HERC4: variants seen among roughly 807,000 people sequenced by gnomAD.
The protein encoded by HERC4 is probable E3 ubiquitin-protein ligase HERC4.
Under a neutral mutation model 124.3 loss-of-function variants are expected in HERC4, and 28 were observed. That is an observed-to-expected ratio of 0.23 (90% CI 0.17 to 0.31). The LOEUF (loss-of-function observed/expected upper bound fraction) is 0.31, where lower values mean the gene tolerates loss of function less well. Among genes scored for constraint, HERC4 ranks in the 10% least tolerant of loss-of-function variants. HERC4 has a pLI of 1.00. For missense variants in HERC4, 713 were observed against 1,229.3 expected, an observed-to-expected ratio of 0.58 and a Z score of 6.28; for synonymous variants, 407 against 421.5, an observed-to-expected ratio of 0.97 and a Z score of 0.42.
chr10:68,070,854 T>C (rs2133867992), intron 3 of HERC4, among the ~76,000 whole-genome samples: 1 of 152,300 alleles, frequency 6.6e-6, no homozygotes, highest in Admixed American at 6.5e-5. Flanking sequence ...GCTGTTTATG[T>C]GATCACCAAT....
At chr10:68,036,078 G>A (rs957200845) in intron 5 of HERC4, among the ~76,000 whole-genome samples, 16 of 152,208 alleles carry the variant, frequency 1.1e-4, no homozygotes, top group African/African-American at 3.6e-4. Context: ...ACTTTGGGAG[G>A]CTGAGGCGGG....
chr10:67,974,141 C>G (rs1276871077), intron 15 of HERC4, among the ~76,000 whole-genome samples: 3 of 132,686 alleles, frequency 2.3e-5, no homozygotes, highest in Non-Finnish European at 4.7e-5. Flanking sequence ...GTCAGGAAAA[C>G]AAGACAACCT....
rs532667254 is a variant in HERC4 at position 67,941,979 on chromosome 10, C to T, written c.2338-874G>A. Among the ~76,000 whole-genome samples the T allele has an allele frequency of 4.1e-4, 63 of 152,154 alleles. No homozygotes were observed. The South Asian group carries it at 0.012, about 30-fold the overall frequency. ...CCAAAACATGACTTTTTAATGGCTG[C>T]ATATTGTATCATAAAAGTACAATGA... On this transcript the variant is annotated intron_variant, in intron 19 of 24. Transcript: ENST00000373700.
chr10:67,922,903 A>G lies in HERC4; in HGVS notation c.*28T>C, dbSNP rs1211291344. The G allele has an allele frequency of 6.9e-7, 1 of 1,453,606 alleles. No homozygotes were observed. Among genetic ancestry groups the G allele is most frequent in the Non-Finnish European group, 9.5e-7 (1 of 1,053,068 alleles). 90.0% of individuals were successfully genotyped at this position (1,453,606 alleles called of 1,614,324 possible). On this transcript the variant is annotated 3_prime_UTR_variant, in exon 25 of 25. Coordinates refer to ENST00000373700, the MANE Select transcript of HERC4 (RefSeq NM_015601.4). ...AACACAAATAGTTTAATGCTTTTGC[A>G]CTAAACTGAATAGTTATAACTCCAA...
chr10:67,949,516 C>A (rs1218423535), intron 19 of HERC4, among the ~76,000 whole-genome samples: 3 of 152,120 alleles, frequency 2.0e-5, no homozygotes, highest in African/African-American at 7.2e-5. Context: ...AAAAATCCAA[C>A]CCTACAAACC....
Position 67,956,909 on chromosome 10 carries a change from A to G in HERC4, c.1994T>C (p.Leu665Pro). The G allele has an allele frequency of 6.2e-7, 1 of 1,602,654 alleles. No homozygotes were observed. The highest frequency in any genetic ancestry group is 8.5e-7 in the Non-Finnish European group (1 of 1,175,620). Residue 665 changes from leucine to proline, a missense_variant, in exon 17 of 25, where the codon CTG (leucine) becomes CCG (proline). Leu to Pro is a moderately conservative substitution (Grantham distance 98, BLOSUM62 -3). Coordinates refer to ENST00000373700, the MANE Select transcript of HERC4 (RefSeq NM_015601.4). ...FVFDAQAKTT[L>P]LQTDAVLQMQ... is the part of the protein sequence containing the mutation. ...CTGTAAGACTGCATCGGTCTGTAAC[A>G]GAGTAGTTTTTGCTTGGGCATCAAA...
At chr10:68,004,588 G>A (rs926834843) in intron 9 of HERC4, among the ~76,000 whole-genome samples, 15 of 152,188 alleles carry the variant, frequency 9.9e-5, no homozygotes, top group Non-Finnish European at 2.1e-4. Context: ...GGGTGTATTC[G>A]TCTGTTTTCA....
chr10:68,044,669 T>A, intron 3 of HERC4, 106 bp from the exon 4 acceptor site: 1 of 986,094 alleles, frequency 1.0e-6, no homozygotes, highest in South Asian at 1.6e-5. Flanking sequence ...ACATTCTTCA[T>A]TTTATACAAA....
intron 9 of HERC4, among the ~76,000 whole-genome samples, chr10:68,004,848 G>A (rs117311764): frequency 0.096 from 14,606 of 152,160 alleles, 901 homozygotes; most frequent in Middle Eastern, 0.18. Context: ...GCAGGAAACC[G>A]ATTCCATGAT....
chr10:67,966,694 C>T lies in HERC4; in HGVS notation c.1915G>A (p.Ala639Thr). ...CACAGAAAACCTACCATTCCATAGG[C>T]CTGCTGTTGGACCCAGTTGATATAA... Reference protein sequence around the residue: ...NDYINWVQQQAYGMLADIPVT... With the variant: ...NDYINWVQQQTYGMLADIPVT... Residue 639 changes from alanine (A) to threonine (T), a missense_variant, in exon 16 of 25, where the codon GCC becomes ACC. By Grantham distance (58) the Ala-to-Thr change is moderately conservative (BLOSUM62 0). Transcript: ENST00000373700. 6 of 1,608,924 alleles carry T rather than the reference C, an allele frequency of 3.7e-6. No homozygotes were observed. Among genetic ancestry groups the T allele is most frequent in the Non-Finnish European group, 5.1e-6 (6 of 1,178,124 alleles).
chr10:67,952,456 G>T (rs2033860998), intron 19 of HERC4, among the ~76,000 whole-genome samples: 1 of 151,846 alleles, frequency 6.6e-6, no homozygotes, highest in Non-Finnish European at 1.5e-5. Flanking sequence ...GCTAATTTTT[G>T]TATTTTTAGT....
intron 9 of HERC4, among the ~76,000 whole-genome samples, chr10:67,998,192 C>T (rs1458526662): frequency 2.0e-5 from 3 of 151,524 alleles, no homozygotes; most frequent in Non-Finnish European, 4.4e-5. Context: ...CCAGTGTACC[C>T]GGCTGGAAAA....
intron 9 of HERC4, among the ~76,000 whole-genome samples, chr10:68,005,212 G>A (rs918504912): frequency 6.6e-6 from 1 of 151,898 alleles, no homozygotes; most frequent in Non-Finnish European, 1.5e-5. Flanking sequence ...TGTATATCTG[G>A]GTTTTCTAGT....
chr10:67,964,717 T>G (rs1354320415), intron 16 of HERC4: 1 of 152,232 alleles, frequency 6.6e-6, no homozygotes, highest in African/African-American at 2.4e-5. Flanking sequence ...CCCCTGCCCA[T>G]TTCTCTGTTC....
At chr10:67,975,652 C>T (rs2035541473) in intron 15 of HERC4, among the ~76,000 whole-genome samples, 1 of 152,114 alleles carries the variant, frequency 6.6e-6, no homozygotes, top group African/African-American at 2.4e-5. Context: ...GCTCAGCCGA[C>T]ACATGCATTC....
At position 67,923,118 on chromosome 10, in the gene HERC4, C is replaced by T. The variant is rs544875531; in HGVS notation, c.2963G>A (p.Arg988His). The change falls in exon 25 of 25, where the codon CGC becomes CAC. Residue 988 changes from arginine to histidine, a missense_variant. Physicochemically the swap from Arg to His is conservative, Grantham distance 29 (BLOSUM62 0). Transcript: ENST00000373700. ...ACTCTTCATACCAAGAATAGGAATG[C>T]GATCACTACCTGTCAAAAATACTGC... is the stretch of plus-strand genomic sequence containing the variant. ...QFLLFLTGSD[R>H]IPILGMKSLK... 3 of 1,612,862 alleles carry T rather than the reference C, an allele frequency of 1.9e-6. No homozygotes were observed. Among genetic ancestry groups the T allele is most frequent in the African/African-American group, 1.3e-5 (1 of 74,862 alleles).
chr10:67,985,942 TTCCCC>T (rs2036236284), intron 15 of HERC4, among the ~76,000 whole-genome samples: 1 of 152,216 alleles, frequency 6.6e-6, no homozygotes, highest in Non-Finnish European at 1.5e-5. Flanking sequence ...ACTGAGGAAA[TTCCCC>T]TTAATTCTTA....
chr10:67,947,603 A>T, intron 19 of HERC4, among the ~76,000 whole-genome samples: 1 of 152,174 alleles, frequency 6.6e-6, no homozygotes, highest in Non-Finnish European at 1.5e-5. Context: ...AACCAATAAG[A>T]CCTATCAGAC....
At chr10:67,981,488 A>G (rs1171716698) in intron 15 of HERC4, among the ~76,000 whole-genome samples, 2 of 152,240 alleles carry the variant, frequency 1.3e-5, no homozygotes, top group Non-Finnish European at 2.9e-5. Flanking sequence ...ACAGACAGAA[A>G]ACCAACAAAG....
Sources: allele counts gnomAD v4.1 joint callset (sites outside exome capture counted in the v4.1 genomes callset), GRCh38; gene constraint gnomAD v4.1.1; transcripts MANE v1.5; gene names NCBI Gene and HGNC (gene_info 2026-07-23, HGNC 2026-07-21).